CAPN15: variants seen among roughly 807,000 people sequenced by gnomAD.
CAPN15 encodes calpain-15.
Under a neutral mutation model 97.9 loss-of-function variants are expected in CAPN15, and 53 were observed. That is an observed-to-expected ratio of 0.54 (90% CI 0.43 to 0.68). The LOEUF (loss-of-function observed/expected upper bound fraction) is 0.68, where lower values mean the gene tolerates loss of function less well. Ranked by LOEUF, CAPN15 falls within the 30% of genes least tolerant of loss-of-function variation. The pLI is 0.00. For synonymous variants in CAPN15, 922 were observed against 722.5 expected (o/e 1.28, Z -4.43); for missense variants, 1,592 against 1,589.8 (o/e 1.00, Z -0.02).
intron 7 of CAPN15, among the ~76,000 whole-genome samples, chr16:550,520 G>A (rs1011144954): frequency 3.3e-5 from 5 of 152,240 alleles, no homozygotes; most frequent in African/African-American, 7.2e-5. Context: ...TGGCAAGGTC[G>A]CGGCCAGCGA....
Position 552,653 on chromosome 16 carries a change from G to C in CAPN15, c.2786G>C (p.Gly929Ala). 6.5e-7 allele frequency: 1 copy of C among 1,539,282 alleles called. No homozygotes were observed. The highest frequency in any genetic ancestry group is 1.2e-5 in the South Asian group (1 of 84,038). Residue 929 changes from glycine (G) to alanine (A), a missense_variant, in exon 12 of 14, where the codon GGC becomes GCC. This residue lies in a region of CAPN15 where 644 missense variants were observed against 699.6 expected (regional missense o/e 0.92). Coordinates refer to ENST00000219611, the MANE Select transcript of CAPN15 (RefSeq NM_005632.3). This position sits in a 1 kb window ranked among gnomAD's most constrained non-coding sequence, Gnocchi z 6.4. The stretch of plus-strand genomic sequence containing the variant: ...CCGAGAGCCTCCCCAGAGCCGCCGG[G>C]CCACGTGCTGGCTGTGTACAGCTCG... ...GVPRASPEPP[G>A]HVLAVYSSRL...
At chr16:540,940 C>T (rs1028176317) in intron 3 of CAPN15, among the ~76,000 whole-genome samples, 6 of 152,186 alleles carry the variant, frequency 3.9e-5, no homozygotes, top group Admixed American at 1.3e-4. Flanking sequence ...ATGCTCCTGC[C>T]GTCACCCCGT....
chr16:542,733 G>A (rs1047330678), intron 3 of CAPN15, among the ~76,000 whole-genome samples: 2 of 151,448 alleles, frequency 1.3e-5, no homozygotes, highest in African/African-American at 2.4e-5. Context: ...AACTACAGGC[G>A]TGCACCACCA....
intron 9 of CAPN15, 112 bp downstream of exon 9, chr16:551,776 G>C (rs772204428): frequency 2.1e-5 from 30 of 1,402,434 alleles, no homozygotes; most frequent in Non-Finnish European, 2.7e-5. Flanking sequence ...CGGCTTGTTC[G>C]TGGCCCAAAT....
rs1426416164 is a variant in CAPN15 at position 554,549 on chromosome 16, G to C, written c.*1033G>C. 2 of 456,110 alleles carry C rather than the reference G, an allele frequency of 4.4e-6. No individual in the cohort carries two copies. Among genetic ancestry groups the C allele is most frequent in the Non-Finnish European group, 8.8e-6 (2 of 226,756 alleles). The allele number at this position is 456,110 out of a possible 1,614,324, so 28.3% of individuals were successfully genotyped here. ...TGACACAGAGACTATTTTATCAATT[G>C]TCAGTCCCGTTCCTTTACCATAGGA... On this transcript the variant is annotated 3_prime_UTR_variant, in exon 14 of 14. Coordinates refer to ENST00000219611, the MANE Select transcript of CAPN15 (RefSeq NM_005632.3).
At chr16:548,727 C>T (rs2034781120) in intron 4 of CAPN15, among the ~76,000 whole-genome samples, 1 of 152,246 alleles carries the variant, frequency 6.6e-6, no homozygotes, top group African/African-American at 2.4e-5. Context: ...GGGCCAGAGT[C>T]GTGCTGCCAC....
In CAPN15 at chr16:549,929, G is replaced by C. The variant is rs1412084208; in HGVS notation, c.2066+91G>C. On this transcript the variant is annotated intron_variant, in intron 7 of 13. Transcript: ENST00000219611. ...TGTGGGGCTGGTGGCCCCTGACCCA[G>C]TTCTGCTTCCACGAGGTGCCCCTGG... 4.5e-6 allele frequency: 5 copies of C among 1,105,738 alleles called. No individual in the cohort carries two copies. The African/African-American group carries it at 6.2e-5, about 14-fold the overall frequency. 68.5% of individuals were successfully genotyped at this position (1,105,738 alleles called of 1,614,324 possible). A position where few individuals can be genotyped will look rare whatever the true frequency, so the allele number is the denominator to read the frequency against.
At chr16:536,658 T>A (rs2141976689) in intron 3 of CAPN15, among the ~76,000 whole-genome samples, 1 of 152,240 alleles carries the variant, frequency 6.6e-6, no homozygotes, top group South Asian at 2.1e-4. Flanking sequence ...ACTCCTGACC[T>A]CGTGATCCAC....
rs117748354 is a variant in CAPN15, at chr16:542,317, C to T, written c.-22-4500C>T. Among the ~76,000 whole-genome samples, 982 of 152,276 alleles carry T rather than the reference C, an allele frequency of 6.4e-3. 26 individuals carry two copies. The East Asian group carries it at 0.083, about 13-fold the overall frequency. ...ATACCTAGGAGTGGGATTGCTGGGG[C>T]GTGTGGTGAACTTTCATAATGTCTT... is the stretch of plus-strand genomic sequence containing the variant. On this transcript the variant is annotated intron_variant, in intron 3 of 13. Transcript: ENST00000219611.
rs779330163 is a variant in CAPN15 at position 552,593 on chromosome 16, C to T, written c.2738-12C>T. 1.1e-4 allele frequency: 165 copies of T among 1,546,870 alleles called. No individual in the cohort carries two copies. Among genetic ancestry groups the T allele is most frequent in the Middle Eastern group, 1.7e-4 (1 of 5,984 alleles). Reference sequence around the variant, plus strand: ...ACGGGGAGGGCTGCGGTTCACACGCCCGTCCTTGTAGCCTCCAGCCCCTCG... The same window carrying T: ...ACGGGGAGGGCTGCGGTTCACACGCTCGTCCTTGTAGCCTCCAGCCCCTCG... On this transcript the variant is annotated splice_polypyrimidine_tract_variant and intron_variant, in intron 11 of 13. Coordinates refer to ENST00000219611, the MANE Select transcript of CAPN15 (RefSeq NM_005632.3). This position sits in a 1 kb window ranked among gnomAD's most constrained non-coding sequence, Gnocchi z 6.4.
Position 549,442 on chromosome 16 carries a change from G to T in CAPN15, c.1813G>T (p.Asp605Tyr). The T allele has an allele frequency of 6.3e-7, 1 of 1,598,008 alleles. No individual in the cohort carries two copies. Residue 605 changes from aspartate (D) to tyrosine (Y), a missense_variant, in exon 6 of 14, where the codon GAT becomes TAT. Around this residue, in one of 3 missense-constraint regions of CAPN15, gnomAD observed 65 missense variants for 113.7 expected, o/e 0.57. Coordinates refer to ENST00000219611, the MANE Select transcript of CAPN15 (RefSeq NM_005632.3). Reference sequence around the variant, plus strand: ...GCTGGTGGACGACATGCTGCCCTGTGATGAGGCCGGCTGCCTCCTCTTCTC... The same window carrying T: ...GCTGGTGGACGACATGCTGCCCTGTTATGAGGCCGGCTGCCTCCTCTTCTC... ...TVLVDDMLPC[D>Y]EAGCLLFSQA...
intron 1 of CAPN15, among the ~76,000 whole-genome samples, chr16:529,090 G>A (rs1487541534): frequency 6.6e-6 from 1 of 152,110 alleles, no homozygotes; most frequent in Admixed American, 6.6e-5. Flanking sequence ...GCCTTGGGTT[G>A]GGTGTGCCTT....
intron 3 of CAPN15, among the ~76,000 whole-genome samples, chr16:545,022 T>A (rs2034490076): frequency 1.3e-5 from 2 of 150,792 alleles, no homozygotes; most frequent in African/African-American, 4.9e-5. Context: ...GGTTGAGAAT[T>A]CCAAAAGGGC....
intron 7 of CAPN15, among the ~76,000 whole-genome samples, 189 bp from the exon 8 acceptor site, chr16:551,113 C>CGGTGAGGGCCCCTGTT (rs1409652892): frequency 1.3e-4 from 15 of 115,890 alleles, no homozygotes; most frequent in African/African-American, 5.6e-4. Context: ...GGTCCCCGGT[C>CGGTGAGGGCCCCTGTT]GGTGAGGGCC....
chr16:543,085 CCAGG>C (rs1469865338), intron 3 of CAPN15, among the ~76,000 whole-genome samples: 1 of 151,908 alleles, frequency 6.6e-6, no homozygotes, highest in Non-Finnish European at 1.5e-5. Context: ...TTGGGAGGGT[CCAGG>C]CTGCAATGAG....
At position 547,533 on chromosome 16, in the gene CAPN15, T is replaced by G; in HGVS notation, c.695T>G (p.Phe232Cys). 7.5e-6 allele frequency: 12 copies of G among 1,597,814 alleles called. No individual in the cohort carries two copies. The highest frequency in any genetic ancestry group is 1.0e-5 in the Non-Finnish European group (12 of 1,178,922). The change falls in exon 4 of 14, where the codon TTC becomes TGC. Residue 232 changes from phenylalanine to cysteine, a missense_variant. Transcript: ENST00000219611. ...CCAGAGCCGCCCAGGGTCCCGCCCT[T>G]CAGCCCCTTCTCGTCCACCCTGCAG... ...AEPEPPRVPP[F>C]SPFSSTLQNN...
intron 3 of CAPN15, chr16:540,381 G>T (rs1196091620): frequency 1.0e-6 from 1 of 984,294 alleles, no homozygotes; most frequent in Non-Finnish European, 1.2e-6. Context: ...GGTAAGAGGT[G>T]GGGAGGGGTG....
rs1596352911 is a variant in CAPN15, at chr16:549,303, G to A, written c.1674G>A (p.Leu558=). The A allele has an allele frequency of 1.3e-6, 2 of 1,590,584 alleles. No individual in the cohort carries two copies. Among genetic ancestry groups the A allele is most frequent in the East Asian group, 2.3e-5 (1 of 44,308 alleles). The part of the protein sequence containing the change: ...LLGNCWFLSA[L]AVLAERPDLV... ...CTCTGCGCAGGTTCCTGAGCGCCCT[G>A]GCGGTGCTGGCGGAGCGGCCGGACC... The change falls in exon 6 of 14, where the codon CTG becomes CTA. Residue 558 remains leucine (L), a synonymous_variant. Coordinates refer to ENST00000219611, the MANE Select transcript of CAPN15 (RefSeq NM_005632.3).
Position 552,135 on chromosome 16 carries a change from C to A in CAPN15, c.2430C>A (p.Ser810Arg). Reference sequence around the variant, plus strand: ...AGGGCTGCTTTCCCAGCTCGGCCAGCGCGCCCGTGGGGGTAACAGCGCTCA... The same window carrying A: ...AGGGCTGCTTTCCCAGCTCGGCCAGAGCGCCCGTGGGGGTAACAGCGCTCA... ...RVQGCFPSSA[S>R]APVGVTALTV... The change falls in exon 10 of 14, where the codon AGC (serine) becomes AGA (arginine). Residue 810 changes from serine (S) to arginine (R), a missense_variant. By Grantham distance (110) the Ser-to-Arg change is moderately radical. This residue lies in a region of CAPN15 where 644 missense variants were observed against 699.6 expected (regional missense o/e 0.92). Transcript: ENST00000219611. The surrounding 1 kb of genome is among the most constrained non-coding windows in gnomAD (Gnocchi z 6.4). The A allele has an allele frequency of 6.5e-7, 1 of 1,547,762 alleles. No individual in the cohort carries two copies. The highest frequency in any genetic ancestry group is 1.2e-5 in the South Asian group (1 of 83,886).
Sources: gnomAD v4.1 joint callset for allele counts (sites outside exome capture counted in the v4.1 genomes callset) on GRCh38, gnomAD v4.1.1 for gene constraint, gnomAD v4.1.1 regional missense constraint, Gnocchi (gnomAD v3.1) non-coding constraint, MANE v1.5 for transcripts, NCBI Gene and HGNC (gene_info 2026-07-23, HGNC 2026-07-21) for gene names.